The following THSD4 variants were observed in gnomAD, a reference collection of about 807,000 sequenced individuals.
THSD4 encodes thrombospondin type-1 domain-containing protein 4.
A neutral mutation model predicts 119.0 loss-of-function variants in THSD4; 69 were observed. That is an observed-to-expected ratio of 0.58 (90% CI 0.48 to 0.71). THSD4 has a LOEUF of 0.71. THSD4 is among the 30% of genes least tolerant of loss of function. The probability of loss-of-function intolerance (pLI) is 0.00; values close to 1 mark genes in which losing one functional copy is unlikely to be tolerated. For missense variants in THSD4, 1,393 were observed against 1,391.1 expected (o/e 1.00, Z -0.02); for synonymous variants, 524 against 540.4 (o/e 0.97, Z 0.42).
chr15:71,391,866 G>T (rs1235489812), intron 6 of THSD4, among the ~76,000 whole-genome samples: 5 of 152,118 alleles, frequency 3.3e-5, no homozygotes, highest in African/African-American at 9.7e-5. Context: ...AATGAAACTT[G>T]CAGGTGGCTG....
intron 14 of THSD4, among the ~76,000 whole-genome samples, chr15:71,755,940 G>A (rs895066925): frequency 6.6e-6 from 1 of 152,116 alleles, no homozygotes; most frequent in Non-Finnish European, 1.5e-5. Context: ...AATGACAGGG[G>A]CAAGGGCTCT....
chr15:71,730,333 C>G (rs915760497), intron 9 of THSD4: 2 of 152,194 alleles, frequency 1.3e-5, no homozygotes, highest in African/African-American at 4.8e-5. Context: ...CATTCTGCTG[C>G]TGGGTTTAGC....
intron 6 of THSD4, among the ~76,000 whole-genome samples, chr15:71,383,385 G>T (rs1439214235): frequency 6.6e-6 from 1 of 152,142 alleles, no homozygotes; most frequent in Non-Finnish European, 1.5e-5. Flanking sequence ...TCAAAGGCAC[G>T]GAACTGAGAC....
chr15:71,216,522 G>A (rs1327322120), intron 4 of THSD4, among the ~76,000 whole-genome samples: 1 of 152,228 alleles, frequency 6.6e-6, no homozygotes, highest in Admixed American at 6.5e-5. Flanking sequence ...GGGGTTTGGA[G>A]AGAGAGAGGA....
At chr15:71,556,130 T>C (rs900622025) in intron 7 of THSD4, among the ~76,000 whole-genome samples, 42 of 152,350 alleles carry the variant, frequency 2.8e-4, no homozygotes, top group African/African-American at 9.9e-4. Flanking sequence ...ACATTTGCTC[T>C]TCCTTATGAA....
At chr15:71,185,496 AG>A (rs969704341) in intron 3 of THSD4, 5 of 151,916 alleles carry the variant, frequency 3.3e-5, no homozygotes, top group African/African-American at 1.2e-4. Flanking sequence ...CGTGGCTTTG[AG>A]AGCATTGTCC....
chr15:71,258,823 G>C (rs1344252923), intron 6 of THSD4, among the ~76,000 whole-genome samples: 1 of 152,178 alleles, frequency 6.6e-6, no homozygotes, highest in African/African-American at 2.4e-5. Flanking sequence ...TTGGAGTAGA[G>C]TGGGCTCTTA....
At position 71,424,314 on chromosome 15, in the gene THSD4, G is replaced by T. The variant is rs77751712; in HGVS notation, c.1152+12491G>T. 9.2e-5 allele frequency among the ~76,000 whole-genome samples: 14 copies of T among 152,260 alleles called. No homozygotes were observed. The East Asian group carries it at 2.7e-3, about 29-fold the overall frequency. ...GAAATAAGGACAAGAAGAATGTGAT[G>T]TCCTAGGTCTACCTTGGGGAGGGTT... On this transcript the variant is annotated intron_variant, in intron 7 of 17. Coordinates refer to ENST00000261862, the MANE Select transcript of THSD4 (RefSeq NM_024817.3).
At chr15:71,771,335 G>A (rs2053819959) in intron 17 of THSD4, 127 bp downstream of exon 17, 1 of 1,210,238 alleles carries the variant, frequency 8.3e-7, no homozygotes, top group Non-Finnish European at 1.2e-6. Context: ...GGAGTTCAGA[G>A]GGTTGAGGTG....
rs185938662 is a variant in THSD4, at chr15:71,364,633, G to A, written c.1016-47054G>A. Among the ~76,000 whole-genome samples, 58 of 152,310 alleles carry A rather than the reference G, an allele frequency of 3.8e-4. No individual in the cohort carries two copies. The East Asian group carries it at 5.0e-3, about 13-fold the overall frequency. Reference sequence around the variant, plus strand: ...TGACCTGTGTGTCAATTCCTAATGGGTGAGTAGCTGTTTTGTACATCAACG... The same window carrying A: ...TGACCTGTGTGTCAATTCCTAATGGATGAGTAGCTGTTTTGTACATCAACG... On this transcript the variant is annotated intron_variant, in intron 6 of 17. Transcript: ENST00000261862.
intron 14 of THSD4, among the ~76,000 whole-genome samples, chr15:71,757,397 C>A (rs1363089004): frequency 1.3e-5 from 2 of 151,384 alleles, no homozygotes; most frequent in Non-Finnish European, 2.9e-5. Context: ...TTTCATGCAC[C>A]CATTCTTCTT....
intron 6 of THSD4, among the ~76,000 whole-genome samples, chr15:71,366,777 C>T (rs1403999587): frequency 6.6e-6 from 1 of 152,206 alleles, no homozygotes; most frequent in Non-Finnish European, 1.5e-5. Context: ...CTGTCCTTTG[C>T]TCATACCACT....
rs917906982 is a variant in THSD4 at position 71,723,090 on chromosome 15, T to TA, written c.1358-5450dup. Among the ~76,000 whole-genome samples, 5 of 150,854 alleles carry TA rather than the reference T, an allele frequency of 3.3e-5. No homozygotes were observed. In the East Asian group the frequency reaches 5.8e-4, roughly 18 times the overall value. On this transcript the variant is annotated intron_variant, in intron 8 of 17. Transcript: ENST00000261862. ...TAGGCTAGTTTTTTTTTTCTCTATTTAAAAAAAAATGGGCAGATAATATCC... is the reference window on the plus strand; with the variant it reads ...TAGGCTAGTTTTTTTTTTCTCTATTTAAAAAAAAAATGGGCAGATAATATCC...
chr15:71,352,059 A>T (rs1224742513), intron 6 of THSD4, among the ~76,000 whole-genome samples: 1 of 152,206 alleles, frequency 6.6e-6, no homozygotes, highest in Non-Finnish European at 1.5e-5. Context: ...TTTGGCTTCC[A>T]AAGTGAGCCT....
intron 6 of THSD4, among the ~76,000 whole-genome samples, chr15:71,385,191 T>A (rs998157696): frequency 6.6e-6 from 1 of 152,088 alleles, no homozygotes; most frequent in Non-Finnish European, 1.5e-5. Context: ...AAATTGCTCA[T>A]ATAAACTAGG....
intron 7 of THSD4, among the ~76,000 whole-genome samples, chr15:71,643,413 C>T (rs753687488): frequency 6.6e-5 from 10 of 152,000 alleles, no homozygotes; most frequent in Admixed American, 3.3e-4. Context: ...CACCCCAGTA[C>T]GAAGCCTAGT....
At chr15:71,324,335 A>G (rs1353442029) in intron 6 of THSD4, among the ~76,000 whole-genome samples, 1 of 152,096 alleles carries the variant, frequency 6.6e-6, no homozygotes, top group Admixed American at 6.6e-5. Flanking sequence ...TAGCTTTTGG[A>G]GTACAAGTAG....
intron 7 of THSD4, among the ~76,000 whole-genome samples, chr15:71,537,273 C>G (rs540216774): frequency 2.0e-5 from 3 of 152,286 alleles, no homozygotes; most frequent in Admixed American, 2.0e-4. Flanking sequence ...CTAATCCCTT[C>G]GCCATACAAC....
intron 8 of THSD4, among the ~76,000 whole-genome samples, chr15:71,704,931 G>A (rs2052365913): frequency 6.6e-6 from 1 of 152,206 alleles, no homozygotes; most frequent in Admixed American, 6.5e-5. Context: ...AAAGTGTTTG[G>A]CCTAGGGAAG....
Sources: allele counts gnomAD v4.1 joint callset (sites outside exome capture counted in the v4.1 genomes callset), GRCh38; gene constraint gnomAD v4.1.1; transcripts MANE v1.5; gene names NCBI Gene and HGNC (gene_info 2026-07-23, HGNC 2026-07-21).